The following GET4 variants were observed in gnomAD, a reference collection of about 807,000 sequenced individuals.
GET4 encodes guided entry of tail-anchored proteins factor 4.
Under a neutral mutation model 40.0 loss-of-function variants are expected in GET4, and 20 were observed. The ratio of observed to expected loss-of-function variants is 0.50; its 90% CI spans 0.35 to 0.73. The LOEUF (loss-of-function observed/expected upper bound fraction) is 0.73, where lower values mean the gene tolerates loss of function less well. Among genes scored for constraint, GET4 ranks in the 30% least tolerant of loss-of-function variants. The pLI, the probability that GET4 is intolerant of heterozygous loss-of-function variation, is 0.01. For missense variants in GET4, 557 were observed against 454.0 expected (o/e 1.23, Z -2.06); for synonymous variants, 280 against 194.6 (o/e 1.44, Z -3.65).
At chr7:881,408 C>T (rs1844083870) in intron 1 of GET4, 1 of 149,814 alleles carries the variant, frequency 6.7e-6, no homozygotes, top group Non-Finnish European at 1.5e-5. Flanking sequence ...GTGGTGTTTC[C>T]TGGAGTTTTA....
Position 893,931 on chromosome 7 carries a change from C to T in GET4, c.855C>T (p.Gly285=), listed in dbSNP as rs144172734. ...YLDRIGQLFF[G]VPPKQTSSYG... ...ACCGCATAGGACAGCTGTTCTTCGG[C>T]GTCCCGCCCAAGCAGACGTCTTCCT... The change falls in exon 8 of 9, where the codon GGC becomes GGT. Residue 285 remains glycine, a synonymous_variant. Coordinates refer to ENST00000265857, the MANE Select transcript of GET4 (RefSeq NM_015949.3). 5.5e-5 allele frequency: 88 copies of T among 1,608,104 alleles called. No individual in the cohort carries two copies. Among genetic ancestry groups the T allele is most frequent in the South Asian group, 1.9e-4 (17 of 90,770 alleles).
chr7:885,991 G>A (rs1844179184), intron 1 of GET4, 65 bp from the exon 2 acceptor site: 1 of 967,624 alleles, frequency 1.0e-6, no homozygotes, highest in African/African-American at 1.6e-5. Context: ...CTGACCTGAA[G>A]ATGAGCGGGG....
chr7:891,679 C>T (rs545330554), intron 5 of GET4, among the ~76,000 whole-genome samples: 8 of 152,258 alleles, frequency 5.3e-5, no homozygotes, highest in Admixed American at 2.6e-4. Context: ...TCAAGGCGGG[C>T]GTTGGGGATT....
At chr7:890,822 C>A in intron 4 of GET4, 106 bp from the exon 5 acceptor site, 1 of 908,312 alleles carries the variant, frequency 1.1e-6, no homozygotes, top group South Asian at 1.5e-5. Context: ...GGCTCTCCTC[C>A]AGGGCGGGCA....
Position 893,789 on chromosome 7 carries a change from C to T in GET4, c.796C>T (p.Leu266Phe), listed in dbSNP as rs1309318590. The T allele has an allele frequency of 1.2e-6, 2 of 1,611,490 alleles. No individual in the cohort carries two copies. Among genetic ancestry groups the T allele is most frequent in the Non-Finnish European group, 1.7e-6 (2 of 1,178,304 alleles). ...GCTGTGTGAGCAGTACCAGCCATCC[C>T]TCCGGCGGGACCCCATGTACAACGA... ...TVLCEQYQPSLRRDPMYNEYL... is the reference protein window; with the variant it reads ...TVLCEQYQPSFRRDPMYNEYL... Residue 266 changes from leucine (L) to phenylalanine (F), a missense_variant, in exon 7 of 9, where the codon CTC becomes TTC. By Grantham distance (22) the Leu-to-Phe change is conservative. Transcript: ENST00000265857.
Position 886,526 on chromosome 7 carries a change from C to A in GET4, c.235-43C>A. The A allele has an allele frequency of 2.1e-6, 3 of 1,439,858 alleles. No individual in the cohort carries two copies. The South Asian group carries it at 3.4e-5, about 16-fold the overall frequency. 89.2% of individuals were successfully genotyped at this position (1,439,858 alleles called of 1,614,324 possible). A position where few individuals can be genotyped will look rare whatever the true frequency, so the allele number is the denominator to read the frequency against. ...CTTGTCTTTGCTGTCCTGAACAGGT[C>A]AGGGCTTTGTTCTTGATTCTTGTGT... On this transcript the variant is annotated intron_variant, in intron 2 of 8. Coordinates refer to ENST00000265857, the MANE Select transcript of GET4 (RefSeq NM_015949.3).
At chr7:879,629 T>C (rs1489423047) in intron 1 of GET4, among the ~76,000 whole-genome samples, 1 of 152,182 alleles carries the variant, frequency 6.6e-6, no homozygotes, top group Non-Finnish European at 1.5e-5. Context: ...ATAGTATAAA[T>C]ACACACCAGC....
intron 1 of GET4, among the ~76,000 whole-genome samples, chr7:877,519 C>T (rs1179405015): frequency 2.2e-5 from 2 of 90,236 alleles, no homozygotes; most frequent in Admixed American, 1.2e-4. Flanking sequence ...CTCTCTCTTC[C>T]TGCTGCCCCC....
chr7:883,760 C>G (rs554305646), intron 1 of GET4: 5 of 988,006 alleles, frequency 5.1e-6, no homozygotes, highest in Non-Finnish European at 6.0e-6. Context: ...CTGGCTTAGT[C>G]ACCTGGAAAC....
chr7:876,586 C>T lies in GET4; in HGVS notation c.-60C>T. On this transcript the variant is annotated 5_prime_UTR_variant, in exon 1 of 9. Coordinates refer to ENST00000265857, the MANE Select transcript of GET4 (RefSeq NM_015949.3). ...CGTCGGGCGGCCGTCGGGACGGAAG[C>T]CGGGAGGCGCTGCCGACCGCGCCTG... 1 of 1,149,082 alleles carries T rather than the reference C, an allele frequency of 8.7e-7. No individual in the cohort carries two copies. Among genetic ancestry groups the T allele is most frequent in the Non-Finnish European group, 1.1e-6 (1 of 932,320 alleles). 71.2% of individuals were successfully genotyped at this position (1,149,082 alleles called of 1,614,324 possible).
chr7:878,789 C>T (rs910941208), intron 1 of GET4, among the ~76,000 whole-genome samples: 2 of 152,160 alleles, frequency 1.3e-5, no homozygotes, highest in African/African-American at 2.4e-5. Flanking sequence ...CCATGTTGGC[C>T]AGGCTGGTCT....
At position 885,547 on chromosome 7, in the gene GET4, TG is replaced by T. The variant is rs780712852; in HGVS notation, c.156-503del. On this transcript the variant is annotated intron_variant, in intron 1 of 8. Transcript: ENST00000265857. Reference sequence around the variant, plus strand: ...GGGCACCCCAGACCCTTCCCTCCCGTGGGGGGAGGGGTGTGGCACGCAGAGG... The same window carrying T: ...GGGCACCCCAGACCCTTCCCTCCCGTGGGGGAGGGGTGTGGCACGCAGAGG... 244 of 155,318 alleles carry T rather than the reference TG, an allele frequency of 1.6e-3. 2 individuals carry two copies. Among genetic ancestry groups the T allele is most frequent in the Non-Finnish European group, 2.8e-3 (196 of 70,204 alleles). The allele number at this position is 155,318 out of a possible 1,614,324, so 9.6% of individuals were successfully genotyped here. A position where few individuals can be genotyped will look rare whatever the true frequency, so the allele number is the denominator to read the frequency against.
chr7:887,164 T>C, intron 3 of GET4: 1 of 721,848 alleles, frequency 1.4e-6, no homozygotes, highest in Non-Finnish European at 2.6e-6. Context: ...GCGTCCGTCC[T>C]TCCTTCCTCG....
chr7:879,126 T>C (rs565770824), intron 1 of GET4, among the ~76,000 whole-genome samples: 4 of 152,350 alleles, frequency 2.6e-5, no homozygotes, highest in African/African-American at 9.6e-5. Context: ...TTAAATATTT[T>C]CTTTCCATAG....
At position 877,151 on chromosome 7, in the gene GET4, C is replaced by T. The variant is rs556474501; in HGVS notation, c.155+351C>T. On this transcript the variant is annotated intron_variant, in intron 1 of 8. Coordinates refer to ENST00000265857, the MANE Select transcript of GET4 (RefSeq NM_015949.3). Reference sequence around the variant, plus strand: ...TCTCCTCGGCCGCCTCCCGCCTCGTCCTTCGGTCTCTGTCTCTCTCCGGCC... The same window carrying T: ...TCTCCTCGGCCGCCTCCCGCCTCGTTCTTCGGTCTCTGTCTCTCTCCGGCC... Among the ~76,000 whole-genome samples the T allele has an allele frequency of 1.1e-3, 171 of 151,740 alleles. 1 individual carries two copies. Among genetic ancestry groups the T allele is most frequent in the African/African-American group, 3.9e-3 (161 of 41,350 alleles).
intron 1 of GET4, chr7:882,810 G>C (rs993843782): frequency 3.3e-5 from 5 of 152,372 alleles, no homozygotes; most frequent in Non-Finnish European, 5.9e-5. Flanking sequence ...CAGGTCTTGA[G>C]GAGCCTCAGC....
At chr7:889,294 C>A (rs899912678) in intron 4 of GET4, among the ~76,000 whole-genome samples, 1 of 152,246 alleles carries the variant, frequency 6.6e-6, no homozygotes, top group African/African-American at 2.4e-5. Context: ...AGGCCTGCTC[C>A]ACGGCAAGGT....
At position 895,427 on chromosome 7, in the gene GET4, GC is replaced by G; in HGVS notation, c.*7del. The G allele has an allele frequency of 2.0e-6, 3 of 1,499,532 alleles. No homozygotes were observed. The highest frequency in any genetic ancestry group is 2.8e-6 in the Non-Finnish European group (3 of 1,079,674). The allele number at this position is 1,499,532 out of a possible 1,614,324, so 92.9% of individuals were successfully genotyped here. On this transcript the variant is annotated 3_prime_UTR_variant, in exon 9 of 9. Transcript: ENST00000265857. Reference sequence around the variant, plus strand: ...AGCCCCATCGAGCTGGACTGAACTGGCCAGGCCACGTGGAGACACCACGGTC... The same window carrying G: ...AGCCCCATCGAGCTGGACTGAACTGGCAGGCCACGTGGAGACACCACGGTC...
chr7:892,766 G>T (rs1844357843), intron 6 of GET4, among the ~76,000 whole-genome samples: 1 of 151,152 alleles, frequency 6.6e-6, no homozygotes, highest in Non-Finnish European at 1.5e-5. Context: ...GGGTATCCAT[G>T]TGGTGTGGGG....
Sources: allele counts gnomAD v4.1 joint callset (sites outside exome capture counted in the v4.1 genomes callset), GRCh38; gene constraint gnomAD v4.1.1; transcripts MANE v1.5; gene names NCBI Gene and HGNC (gene_info 2026-07-23, HGNC 2026-07-21).